The following ATP2A3 variants were observed in gnomAD, a reference collection of about 807,000 sequenced individuals.
ATP2A3 encodes the protein ATPase sarcoplasmic/endoplasmic reticulum Ca2+ transporting 3.
A neutral mutation model predicts 106.8 loss-of-function variants in ATP2A3; 61 were observed. That is an observed-to-expected ratio of 0.57 (90% CI 0.46 to 0.71). The LOEUF (loss-of-function observed/expected upper bound fraction) is 0.71, where lower values mean the gene tolerates loss of function less well. ATP2A3 is among the 30% of genes least tolerant of loss of function. The pLI is 0.00. For missense variants in ATP2A3, 1,201 were observed against 1,423.5 expected, an observed-to-expected ratio of 0.84 and a Z score of 2.52; for synonymous variants, 611 against 609.3, an observed-to-expected ratio of 1.00 and a Z score of -0.04.
intron 4 of ATP2A3, 35 bp downstream of exon 4, chr17:3,951,546 G>GGTCCCC: frequency 7.6e-7 from 1 of 1,319,568 alleles, no homozygotes; most frequent in Admixed American, 2.0e-5. Context: ...CTGGGAGACC[G>GGTCCCC]CCCCCCGCCC....
intron 14 of ATP2A3, among the ~76,000 whole-genome samples, chr17:3,940,669 C>T (rs1203785656): frequency 3.9e-5 from 6 of 151,980 alleles, no homozygotes; most frequent in Admixed American, 6.6e-5. Context: ...CACCACGCCC[C>T]GCTAATTTTT....
rs1436803150 is a variant in ATP2A3, at chr17:3,933,677, A to C, written c.2610+1515T>G. On this transcript the variant is annotated intron_variant, in intron 17 of 20. Coordinates refer to ENST00000397041, the MANE Select transcript of ATP2A3 (RefSeq NM_005173.4). ...CTTGAACCCGGGAGGTGGAGGTTGC[A>C]GTGAGCCAAGATTGCACCACTGCAC... Among the ~76,000 whole-genome samples, 3 of 151,216 alleles carry C rather than the reference A, an allele frequency of 2.0e-5. No individual in the cohort carries two copies. In the East Asian group the frequency reaches 5.9e-4, roughly 30 times the overall value.
At chr17:3,957,756 C>G (rs11869993) in intron 1 of ATP2A3, among the ~76,000 whole-genome samples, 17,303 of 152,270 alleles carry the variant, frequency 0.11, 1,112 homozygotes, top group Middle Eastern at 0.15. Flanking sequence ...GAGATAGTTC[C>G]CCTTGAAATG....
chr17:3,941,579 A>C lies in ATP2A3; in HGVS notation c.1621T>G (p.Ser541Ala). The change falls in exon 13 of 21, where the codon TCC becomes GCC. Residue 541 changes from serine to alanine, a missense_variant. This residue lies in a region of ATP2A3 where 935 missense variants were observed against 1,176.7 expected (regional missense o/e 0.79). Coordinates refer to ENST00000397041, the MANE Select transcript of ATP2A3 (RefSeq NM_005173.4). ...GSRTAPLTPT[S>A]REQILAKIRD... ...ATCTTTGCCAGGATCTGCTCCCTGG[A>C]GGTGGGGGTCAGGGGTGCTGTGCGG... 1 of 1,613,314 alleles carries C rather than the reference A, an allele frequency of 6.2e-7. No individual in the cohort carries two copies. The highest frequency in any genetic ancestry group is 1.1e-5 in the South Asian group (1 of 91,084).
At chr17:3,940,789 T>C (rs1279638242) in intron 14 of ATP2A3, among the ~76,000 whole-genome samples, 182 bp downstream of exon 14, 1 of 152,238 alleles carries the variant, frequency 6.6e-6, no homozygotes, top group East Asian at 1.9e-4. Context: ...ATGACAGGTG[T>C]GAGCCACCGC....
In ATP2A3 at chr17:3,942,651, G is replaced by T. The variant is rs780528289; in HGVS notation, c.1500C>A (p.Pro500=). The T allele has an allele frequency of 6.2e-7, 1 of 1,613,342 alleles. No homozygotes were observed. The highest frequency in any genetic ancestry group is 8.5e-7 in the Non-Finnish European group (1 of 1,179,918). ...CCTGGCCAGTAGGGTGAGGGCGGGT[G>T]GGCGTGCAGTACACGGACATGGATT... The part of the protein sequence containing the change: ...DRKSMSVYCT[P]TRPHPTGQGS... The change falls in exon 12 of 21, where the codon CCC becomes CCA. Residue 500 remains proline (P), a synonymous_variant. Transcript: ENST00000397041.
Position 3,964,163 on chromosome 17 carries a change from C to T in ATP2A3, c.118+11G>A, listed in dbSNP as rs1246430459. On this transcript the variant is annotated intron_variant, in intron 1 of 20. Transcript: ENST00000397041. Reference sequence around the variant, plus strand: ...CCCCGCTCCCCGGCCCGGCCCGGCCCGCGCGCTCACCGTTGGGGCCGTAGC... The same window carrying T: ...CCCCGCTCCCCGGCCCGGCCCGGCCTGCGCGCTCACCGTTGGGGCCGTAGC... 2 of 1,156,252 alleles carry T rather than the reference C, an allele frequency of 1.7e-6. No individual in the cohort carries two copies. Among genetic ancestry groups the T allele is most frequent in the African/African-American group, 3.3e-5 (2 of 60,796 alleles). 71.6% of individuals were successfully genotyped at this position (1,156,252 alleles called of 1,614,324 possible).
At chr17:3,944,939 C>T in intron 9 of ATP2A3, 121 bp downstream of exon 9, 1 of 1,334,986 alleles carries the variant, frequency 7.5e-7, no homozygotes, top group Non-Finnish European at 9.9e-7. Context: ...CCTGGCCCCG[C>T]CCCGGGAGAG....
intron 14 of ATP2A3, among the ~76,000 whole-genome samples, chr17:3,938,128 C>T (rs2053552878): frequency 6.6e-6 from 1 of 152,154 alleles, no homozygotes; most frequent in Non-Finnish European, 1.5e-5. Context: ...TCTGGAGTTG[C>T]AATCAAGGTC....
intron 7 of ATP2A3, among the ~76,000 whole-genome samples, chr17:3,949,432 T>C (rs2054294020): frequency 6.6e-6 from 1 of 152,156 alleles, no homozygotes; most frequent in African/African-American, 2.4e-5. Context: ...TGTGGGTCAG[T>C]TTTCCTGTCG....
chr17:3,924,729 G>A lies in ATP2A3; in HGVS notation c.*693C>T, dbSNP rs1042600766. The A allele has an allele frequency of 2.2e-6, 1 of 456,494 alleles. No homozygotes were observed. The highest frequency in any genetic ancestry group is 1.5e-5 in the South Asian group (1 of 64,560). 28.3% of individuals were successfully genotyped at this position (456,494 alleles called of 1,614,324 possible). ...CAGGCTTTCCCGACTTGTCTCCCGG[G>A]AAAGGACATCCTCGCTCCGCCCTCC... is the stretch of plus-strand genomic sequence containing the variant. On this transcript the variant is annotated 3_prime_UTR_variant, in exon 21 of 21. Transcript: ENST00000397041. The surrounding 1 kb of genome is among the most constrained non-coding windows in gnomAD (Gnocchi z 6.4).
At chr17:3,937,691 A>G in intron 14 of ATP2A3, 55 bp from the exon 15 acceptor site, 1 of 1,556,428 alleles carries the variant, frequency 6.4e-7, no homozygotes, top group Non-Finnish European at 8.8e-7. Context: ...CCACCTCCCC[A>G]TCTCTTCTCA....
In ATP2A3 at chr17:3,942,355, C is replaced by T. The variant is rs532690311; in HGVS notation, c.1545+251G>A. ...CTCTCTTCGGTTTTGGGAGCAGCAA[C>T]GGAGACGCTGTAGACAGTGGTCTGC... On this transcript the variant is annotated intron_variant, in intron 12 of 20. Transcript: ENST00000397041. Among the ~76,000 whole-genome samples, 23 of 152,314 alleles carry T rather than the reference C, an allele frequency of 1.5e-4. 1 individual carries two copies. Among genetic ancestry groups the T allele is most frequent in the African/African-American group, 2.9e-4 (12 of 41,570 alleles).
At chr17:3,944,668 G>T in intron 10 of ATP2A3, 36 bp downstream of exon 10, 2 of 1,599,642 alleles carry the variant, frequency 1.3e-6, no homozygotes, top group Non-Finnish European at 1.7e-6. Context: ...TGGTCGCCTG[G>T]ATACTAGGGA....
In ATP2A3 at chr17:3,945,114, C is replaced by T; in HGVS notation, c.1130G>A (p.Cys377Tyr). ...CGAGATGGTGAACTCGTGCAAAAGG[C>T]AGGAGCCCGCATCGGCCTCGGCTAC... ...FVVAEADAGS[C>Y]LLHEFTISGT... The change falls in exon 9 of 21, where the codon TGC (cysteine) becomes TAC (tyrosine). Residue 377 changes from cysteine to tyrosine, a missense_variant. Coordinates refer to ENST00000397041, the MANE Select transcript of ATP2A3 (RefSeq NM_005173.4). The T allele has an allele frequency of 1.3e-6, 2 of 1,548,312 alleles. No homozygotes were observed. The highest frequency in any genetic ancestry group is 3.7e-4 in the Middle Eastern group (2 of 5,334).
Position 3,947,640 on chromosome 17 carries a change from C to G in ATP2A3, c.846G>C (p.Pro282=). 1 of 1,612,394 alleles carries G rather than the reference C, an allele frequency of 6.2e-7. No individual in the cohort carries two copies. The change falls in exon 8 of 21, where the codon CCG becomes CCC. Residue 282 remains proline (P), a synonymous_variant. Coordinates refer to ENST00000397041, the MANE Select transcript of ATP2A3 (RefSeq NM_005173.4). This position sits in a 1 kb window ranked among gnomAD's most constrained non-coding sequence, Gnocchi z 7.7. ...WVINIGHFAD[P]AHGGSWLRGA... ...CACGCAGCCAGGAGCCACCGTGGGC[C>G]GGGTCGGCGAAGTGGCCGATGTTGA... is the stretch of plus-strand genomic sequence containing the variant.
chr17:3,945,015 C>G, intron 9 of ATP2A3, 45 bp downstream of exon 9: 3 of 1,457,146 alleles, frequency 2.1e-6, no homozygotes, highest in Non-Finnish European at 2.7e-6. Context: ...CGCGTGGCCC[C>G]GCCCCCAGGC....
rs541336830 is a variant in ATP2A3 at position 3,944,861 on chromosome 17, C to T, written c.1185-55G>A. On this transcript the variant is annotated intron_variant, in intron 9 of 20. Coordinates refer to ENST00000397041, the MANE Select transcript of ATP2A3 (RefSeq NM_005173.4). ...CCTCGGCTCCGCCCCCGAGAGGGGT[C>T]CGCCTCTTGGCCCCGCCCCTAGGAG... 6.7e-4 allele frequency: 635 copies of T among 942,820 alleles called. 5 individuals carry two copies. In the African/African-American group the frequency reaches 0.011, roughly 17 times the overall value. The allele number at this position is 942,820 out of a possible 1,614,324, so 58.4% of individuals were successfully genotyped here. A position where few individuals can be genotyped will look rare whatever the true frequency, so the allele number is the denominator to read the frequency against.
At chr17:3,960,270 C>A (rs572428393) in intron 1 of ATP2A3, among the ~76,000 whole-genome samples, 11 of 152,324 alleles carry the variant, frequency 7.2e-5, no homozygotes, top group African/African-American at 2.6e-4. Flanking sequence ...ATGGGTTGCC[C>A]GAGTTTCAGC....
Sources: gnomAD v4.1 joint callset for allele counts (sites outside exome capture counted in the v4.1 genomes callset) on GRCh38, gnomAD v4.1.1 for gene constraint, gnomAD v4.1.1 regional missense constraint, Gnocchi (gnomAD v3.1) non-coding constraint, MANE v1.5 for transcripts, NCBI Gene and HGNC (gene_info 2026-07-23, HGNC 2026-07-21) for gene names.